Variants in NAV2 observed in about 807,000 individuals in gnomAD.
NAV2 encodes helicase, APC down-regulated 1.
NAV2 carries 54 observed loss-of-function variants against 223.2 expected under a neutral mutation model. The observed-to-expected ratio is 0.24, with a 90% CI of 0.19 to 0.30. The LOEUF is 0.30. Ranked by LOEUF, NAV2 falls within the 10% of genes least tolerant of loss-of-function variation. NAV2 has a pLI of 1.00. For synonymous variants in NAV2, 1,279 were observed against 1,239.3 expected (o/e 1.03, Z -0.67); for missense variants, 2,806 against 3,147.5 (o/e 0.89, Z 2.60).
intron 1 of NAV2, among the ~76,000 whole-genome samples, chr11:19,595,951 CTAAA>C (rs1358707976): frequency 6.6e-6 from 1 of 152,174 alleles, no homozygotes; most frequent in Non-Finnish European, 1.5e-5. Flanking sequence ...CACACTTACA[CTAAA>C]TAAATAAAAG....
rs575579330 is a variant in NAV2 at position 19,613,534 on chromosome 11, C to T, written c.76-218950C>T. On this transcript the variant is annotated intron_variant, in intron 1 of 37. Transcript: ENST00000360655. ...GCAGCCATCTCATGCCCTAATCAGA[C>T]TGTTGAAATGATGTCTTGATGATGT... 1.6e-4 allele frequency among the ~76,000 whole-genome samples: 24 copies of T among 152,246 alleles called. 1 individual carries two copies. In the East Asian group the frequency reaches 4.6e-3, roughly 29 times the overall value.
At chr11:19,640,117 A>G (rs965348510) in intron 1 of NAV2, among the ~76,000 whole-genome samples, 3 of 152,228 alleles carry the variant, frequency 2.0e-5, no homozygotes, top group Non-Finnish European at 4.4e-5. Context: ...AAACATCTAT[A>G]TGTTTCAGGG....
intron 3 of NAV2, among the ~76,000 whole-genome samples, chr11:19,851,203 G>T (rs1590881258): frequency 6.6e-6 from 1 of 152,190 alleles, no homozygotes; most frequent in East Asian, 1.9e-4. Context: ...AGGTCACACA[G>T]CTAGTAAGTG....
At chr11:19,662,930 T>C (rs543148881) in intron 1 of NAV2, among the ~76,000 whole-genome samples, 1 of 152,316 alleles carries the variant, frequency 6.6e-6, no homozygotes, top group African/African-American at 2.4e-5. Flanking sequence ...TACAGTTAGC[T>C]TGAGTGCCAC....
chr11:19,373,485 A>T, intron 1 of NAV2, among the ~76,000 whole-genome samples: 1 of 152,126 alleles, frequency 6.6e-6, no homozygotes, highest in East Asian at 1.9e-4. Flanking sequence ...GCTGGAAAAG[A>T]GTTCCCCCAA....
chr11:19,766,303 C>T (rs1025136208), intron 1 of NAV2, among the ~76,000 whole-genome samples: 3 of 151,964 alleles, frequency 2.0e-5, no homozygotes, highest in Non-Finnish European at 4.4e-5. Context: ...TGGCTGTGGA[C>T]TGTGAGAGGC....
chr11:19,669,392 T>C (rs886317598), intron 1 of NAV2, among the ~76,000 whole-genome samples: 2 of 152,240 alleles, frequency 1.3e-5, no homozygotes, highest in East Asian at 3.8e-4. Context: ...ACCATGTACC[T>C]GCTATATGGG....
intron 1 of NAV2, among the ~76,000 whole-genome samples, chr11:19,729,282 C>G (rs557713915): frequency 6.6e-6 from 1 of 152,172 alleles, no homozygotes; most frequent in South Asian, 2.1e-4. Context: ...CATGCAAGAT[C>G]CCGAGAAAAC....
chr11:19,428,545 G>A (rs887896237), intron 1 of NAV2, among the ~76,000 whole-genome samples: 2 of 152,224 alleles, frequency 1.3e-5, no homozygotes, highest in African/African-American at 4.8e-5. Context: ...CCCGAGTTAG[G>A]ATAAATGCAG....
At chr11:19,884,150 A>G (rs2063383128) in intron 5 of NAV2, 2 of 581,230 alleles carry the variant, frequency 3.4e-6, no homozygotes, top group Non-Finnish European at 6.1e-6. Context: ...CTAGAAAGAA[A>G]GCTGTGTGTC....
chr11:19,378,552 G>A (rs964148490), intron 1 of NAV2, among the ~76,000 whole-genome samples: 31 of 151,882 alleles, frequency 2.0e-4, no homozygotes, highest in African/African-American at 7.2e-4. Context: ...GTGGTGATAG[G>A]GCCGGTCGTG....
chr11:19,959,811 G>A (rs779828715), intron 10 of NAV2, among the ~76,000 whole-genome samples: 6 of 152,270 alleles, frequency 3.9e-5, no homozygotes, highest in South Asian at 2.1e-4. Flanking sequence ...GACAGCTACC[G>A]TGCTGGGCGA....
chr11:19,771,625 T>A (rs2055727763), intron 1 of NAV2, among the ~76,000 whole-genome samples: 1 of 151,934 alleles, frequency 6.6e-6, no homozygotes, highest in Admixed American at 6.6e-5. Context: ...ATCTGAGTTG[T>A]CGGGGGAGCC....
intron 11 of NAV2, among the ~76,000 whole-genome samples, chr11:20,006,919 G>T (rs1185835526): frequency 6.6e-6 from 1 of 151,904 alleles, no homozygotes; most frequent in East Asian, 1.9e-4. Flanking sequence ...TGGTGGTAGA[G>T]CTGAGACTGG....
intron 22 of NAV2, among the ~76,000 whole-genome samples, chr11:20,072,524 G>A (rs2059468553): frequency 6.6e-6 from 1 of 152,134 alleles, no homozygotes; most frequent in Non-Finnish European, 1.5e-5. Flanking sequence ...ATTACTTTGG[G>A]CAGTATGGCC....
At chr11:19,586,400 A>G (rs1311175679) in intron 1 of NAV2, among the ~76,000 whole-genome samples, 2 of 152,128 alleles carry the variant, frequency 1.3e-5, no homozygotes, top group African/African-American at 4.8e-5. Context: ...TTCTCCGTCC[A>G]GCTTTGTTCC....
At chr11:19,430,240 G>T (rs911103666) in intron 1 of NAV2, among the ~76,000 whole-genome samples, 1 of 152,132 alleles carries the variant, frequency 6.6e-6, no homozygotes, top group Non-Finnish European at 1.5e-5. Context: ...TGCACTTTTC[G>T]CTTGGCCATC....
chr11:19,639,653 G>C (rs1329768516), intron 1 of NAV2, among the ~76,000 whole-genome samples: 3 of 152,180 alleles, frequency 2.0e-5, no homozygotes, highest in Non-Finnish European at 4.4e-5. Flanking sequence ...ATTGCCGATA[G>C]GGCTGTGAGT....
intron 16 of NAV2, among the ~76,000 whole-genome samples, chr11:20,050,206 T>TA (rs1226089646): frequency 6.6e-6 from 1 of 152,106 alleles, no homozygotes; most frequent in Non-Finnish European, 1.5e-5. Flanking sequence ...CTGTGGCATG[T>TA]TCCTGCTTTT....
Sources: allele counts gnomAD v4.1 joint callset (sites outside exome capture counted in the v4.1 genomes callset), GRCh38; gene constraint gnomAD v4.1.1; transcripts MANE v1.5; gene names NCBI Gene and HGNC (gene_info 2026-07-23, HGNC 2026-07-21).